SERGEF: variants seen among roughly 807,000 people sequenced by gnomAD.
SERGEF encodes secretion regulating guanine nucleotide exchange factor, also known as secretion-regulating guanine nucleotide exchange factor.
A neutral mutation model predicts 50.0 loss-of-function variants in SERGEF; 51 were observed. The observed-to-expected ratio is 1.02, with a 90% CI of 0.81 to 1.29. The LOEUF is 1.29. Ranked by LOEUF, SERGEF falls within the 50% of genes most tolerant of loss-of-function variation. The pLI, the probability that SERGEF is intolerant of heterozygous loss-of-function variation, is 0.00. For synonymous variants in SERGEF, 205 were observed against 212.4 expected (o/e 0.97, Z 0.30); for missense variants, 521 against 557.0 (o/e 0.94, Z 0.65).
chr11:17,997,436 A>T (rs1443671945), intron 5 of SERGEF, among the ~76,000 whole-genome samples: 1 of 152,226 alleles, frequency 6.6e-6, no homozygotes, highest in Non-Finnish European at 1.5e-5. Flanking sequence ...GGTGGAAACA[A>T]AATGGTACAA....
At chr11:17,821,658 CTGAGA>C (rs1341900371) in intron 10 of SERGEF, among the ~76,000 whole-genome samples, 2 of 152,338 alleles carry the variant, frequency 1.3e-5, no homozygotes, top group Admixed American at 6.5e-5. Flanking sequence ...CAAAACTCTA[CTGAGA>C]TATCACCTCT....
At chr11:17,855,463 C>T (rs1850800521) in intron 10 of SERGEF, 1 of 152,132 alleles carries the variant, frequency 6.6e-6, no homozygotes, top group Admixed American at 6.5e-5. Flanking sequence ...CCAAGACCCC[C>T]AAGGGATGCC....
chr11:17,890,230 A>G (rs1011863488), intron 9 of SERGEF, among the ~76,000 whole-genome samples: 10 of 152,246 alleles, frequency 6.6e-5, no homozygotes, highest in African/African-American at 2.4e-4. Context: ...ACTGTGATGC[A>G]ATGGGTCGGT....
intron 10 of SERGEF, among the ~76,000 whole-genome samples, chr11:17,805,849 G>A (rs1330958020): frequency 6.6e-6 from 1 of 152,182 alleles, no homozygotes; most frequent in Non-Finnish European, 1.5e-5. Context: ...CAATTCCAGT[G>A]CTGTGGTGAG....
chr11:17,836,154 T>C (rs932315885), intron 10 of SERGEF, among the ~76,000 whole-genome samples: 1 of 152,216 alleles, frequency 6.6e-6, no homozygotes, highest in Non-Finnish European at 1.5e-5. Flanking sequence ...GATACAGAGC[T>C]GGCAAAGACA....
At chr11:17,810,482 C>A (rs2079228) in intron 10 of SERGEF, among the ~76,000 whole-genome samples, 115,475 of 152,204 alleles carry the variant, frequency 0.76, 44,672 homozygotes, top group Middle Eastern at 0.86. Flanking sequence ...GCAGCAAGGG[C>A]ATCTACAGAT....
chr11:17,944,298 G>A (rs1269282847), intron 9 of SERGEF, among the ~76,000 whole-genome samples: 2 of 152,056 alleles, frequency 1.3e-5, no homozygotes, highest in African/African-American at 4.8e-5. Context: ...ATGTCAGTGT[G>A]TTTGCCACCA....
At position 17,959,643 on chromosome 11, in the gene SERGEF, A is replaced by G. The variant is rs1235227647; in HGVS notation, c.845-7T>C. The G allele has an allele frequency of 1.9e-6, 3 of 1,607,624 alleles. No individual in the cohort carries two copies. Among genetic ancestry groups the G allele is most frequent in the East Asian group, 2.2e-5 (1 of 44,820 alleles). ...GTAAACATCTTGCCAGTTTCTAAAA[A>G]CAAATATTATTTGAATTAAGACTAC... On this transcript the variant is annotated splice_polypyrimidine_tract_variant and splice_region_variant and intron_variant, in intron 8 of 10. Coordinates refer to ENST00000265965, the MANE Select transcript of SERGEF (RefSeq NM_012139.4).
At chr11:17,861,762 A>G (rs1850930688) in intron 10 of SERGEF, among the ~76,000 whole-genome samples, 1 of 152,258 alleles carries the variant, frequency 6.6e-6, no homozygotes, top group African/African-American at 2.4e-5. Context: ...ATGGGGCAGA[A>G]TCTGGATAAA....
At chr11:17,981,920 C>A (rs895972891) in intron 8 of SERGEF, among the ~76,000 whole-genome samples, 3 of 152,168 alleles carry the variant, frequency 2.0e-5, no homozygotes, top group Non-Finnish European at 2.9e-5. Context: ...CCTGCCCCAG[C>A]CTCCCAAGTA....
At chr11:17,947,531 T>G (rs1025478134) in intron 9 of SERGEF, among the ~76,000 whole-genome samples, 2 of 152,214 alleles carry the variant, frequency 1.3e-5, no homozygotes, top group African/African-American at 4.8e-5. Flanking sequence ...TTACCTCCAC[T>G]AGTTTGTGCC....
chr11:17,903,274 T>C (rs2133922284), intron 9 of SERGEF, among the ~76,000 whole-genome samples: 1 of 149,178 alleles, frequency 6.7e-6, no homozygotes, highest in Middle Eastern at 3.4e-3. Flanking sequence ...CTACATGATA[T>C]GATGATGAAG....
intron 9 of SERGEF, among the ~76,000 whole-genome samples, chr11:17,890,187 G>A (rs934277393): frequency 2.0e-5 from 3 of 152,184 alleles, no homozygotes; most frequent in Non-Finnish European, 4.4e-5. Context: ...GCCTGGTGGG[G>A]AATCAACCTG....
chr11:17,918,662 ACTCTCT>A (rs143834429), intron 9 of SERGEF: 58 of 413,436 alleles, frequency 1.4e-4, no homozygotes, highest in Admixed American at 2.6e-4. Flanking sequence ...ATACACACAC[ACTCTCT>A]CTCTCTCTCT....
chr11:17,910,255 T>C (rs944434811), intron 9 of SERGEF, among the ~76,000 whole-genome samples: 3 of 151,976 alleles, frequency 2.0e-5, no homozygotes, highest in East Asian at 1.9e-4. Flanking sequence ...GGTTGGTTAG[T>C]TGGTTTGCTT....
At chr11:17,857,366 T>C (rs1448976197) in intron 10 of SERGEF, among the ~76,000 whole-genome samples, 1 of 152,184 alleles carries the variant, frequency 6.6e-6, no homozygotes, top group Non-Finnish European at 1.5e-5. Flanking sequence ...ACCCCAGGGT[T>C]CTTCTTACAT....
intron 10 of SERGEF, among the ~76,000 whole-genome samples, chr11:17,877,400 A>G (rs1851257424): frequency 6.6e-6 from 1 of 152,232 alleles, no homozygotes; most frequent in Non-Finnish European, 1.5e-5. Context: ...AACATTACCA[A>G]AGCCCCTCCT....
At chr11:17,846,790 T>C (rs1379546051) in intron 10 of SERGEF, 53 of 456,138 alleles carry the variant, frequency 1.2e-4, no homozygotes, top group Non-Finnish European at 3.5e-5. Context: ...AGAATGCATA[T>C]TGAACCCAGA....
In SERGEF at chr11:17,995,864, C is replaced by A; in HGVS notation, c.554G>T (p.Gly185Val). The change falls in exon 6 of 11, where the codon GGA becomes GTA. Residue 185 changes from glycine to valine, a missense_variant. By Grantham distance (109) the Gly-to-Val change is moderately radical. Transcript: ENST00000265965. Reference protein sequence around the residue: ...FQWGTGLASCGRRLCPGQTLP... With the variant: ...FQWGTGLASCVRRLCPGQTLP... ...AGTCTGCCCAGGGCACAACCGTCGT[C>A]CACATGATGCCAAACCAGTCCCCCA... 6.2e-7 allele frequency: 1 copy of A among 1,614,106 alleles called. No homozygotes were observed.
Sources: allele counts gnomAD v4.1 joint callset (sites outside exome capture counted in the v4.1 genomes callset), GRCh38; gene constraint gnomAD v4.1.1; transcripts MANE v1.5; gene names NCBI Gene and HGNC (gene_info 2026-07-23, HGNC 2026-07-21).